The following CCDC141 variants were observed in gnomAD, a reference collection of about 807,000 sequenced individuals.
CCDC141 encodes coiled-coil domain containing 141, also known as coiled-coil domain-containing protein 141.
In CCDC141, 168 loss-of-function variants were observed where a neutral mutation model predicts 181.0. The observed-to-expected ratio is 0.93, with a 90% CI of 0.82 to 1.05. The LOEUF (loss-of-function observed/expected upper bound fraction) is 1.05, where lower values mean the gene tolerates loss of function less well. Ranked by LOEUF, CCDC141 falls within the 50% of genes least tolerant of loss-of-function variation. The pLI is 0.00. For synonymous variants in CCDC141, 666 were observed against 642.3 expected (o/e 1.04, Z -0.56); for missense variants, 1,902 against 1,788.5 (o/e 1.06, Z -1.14).
At chr2:178,986,648 T>C (rs1233279965) in intron 2 of CCDC141, among the ~76,000 whole-genome samples, 1 of 151,540 alleles carries the variant, frequency 6.6e-6, no homozygotes, top group Non-Finnish European at 1.5e-5. Context: ...TGTGCAAAAA[T>C]CACAAGCATT....
At chr2:178,966,985 G>A (rs1005195439) in intron 4 of CCDC141, among the ~76,000 whole-genome samples, 2 of 151,662 alleles carry the variant, frequency 1.3e-5, no homozygotes, top group African/African-American at 2.4e-5. Context: ...AATCGACCAA[G>A]CAGAAGAAAG....
intron 2 of CCDC141, among the ~76,000 whole-genome samples, chr2:179,020,189 GT>G (rs111810334): frequency 2.0e-5 from 3 of 151,898 alleles, no homozygotes; most frequent in African/African-American, 7.3e-5. Context: ...CAGGTGTGTG[GT>G]TTTTTTTCTC....
chr2:178,994,568 C>G (rs1323265765), intron 2 of CCDC141, among the ~76,000 whole-genome samples: 2 of 152,182 alleles, frequency 1.3e-5, no homozygotes, highest in Non-Finnish European at 2.9e-5. Flanking sequence ...CTCTGACATG[C>G]CCTGGAGACA....
rs1346512010 is a variant in CCDC141, at chr2:178,945,778, T to TACCAAG, written c.781-1128_781-1127insCTTGGT. Among the ~76,000 whole-genome samples the TACCAAG allele has an allele frequency of 2.0e-5, 3 of 152,044 alleles. No individual in the cohort carries two copies. The East Asian group carries it at 5.8e-4, about 29-fold the overall frequency. ...TGAAATCCTATAACATGGAGAAATG[T>TACCAAG]GTACAACAGGTAGCCAAGGAGAACT... On this transcript the variant is annotated intron_variant, in intron 5 of 23. Coordinates refer to ENST00000443758, the MANE Select transcript of CCDC141 (RefSeq NM_173648.4).
intron 11 of CCDC141, among the ~76,000 whole-genome samples, chr2:178,881,972 T>G (rs983177611): frequency 2.7e-5 from 4 of 148,278 alleles, no homozygotes; most frequent in African/African-American, 1.0e-4. Context: ...CCAGTCTACA[T>G]TTGAAGGGAA....
intron 2 of CCDC141, among the ~76,000 whole-genome samples, chr2:178,987,344 A>G (rs1323544418): frequency 6.6e-6 from 1 of 152,184 alleles, no homozygotes; most frequent in African/African-American, 2.4e-5. Context: ...CTTAAACATT[A>G]GACCTAAAAC....
chr2:178,947,951 G>A (rs1278690527), intron 5 of CCDC141, among the ~76,000 whole-genome samples: 13 of 152,160 alleles, frequency 8.5e-5, no homozygotes, highest in African/African-American at 2.4e-5. Flanking sequence ...TGTAAACCAA[G>A]CAGTTTGGGA....
intron 2 of CCDC141, among the ~76,000 whole-genome samples, chr2:179,007,743 A>G (rs2042155355): frequency 6.6e-6 from 1 of 152,224 alleles, no homozygotes; most frequent in African/African-American, 2.4e-5. Context: ...TTACCAAGCA[A>G]AAAGATTAAA....
chr2:178,888,207 C>T (rs1337922778), intron 9 of CCDC141, among the ~76,000 whole-genome samples: 1 of 152,142 alleles, frequency 6.6e-6, no homozygotes, highest in Non-Finnish European at 1.5e-5. Context: ...ATATTTGAAC[C>T]ATGCTCAGAA....
At chr2:178,824,061 AACACACACACACAC>A in the CCDC141 span, among the ~76,000 whole-genome samples, 1 of 147,428 alleles carries the variant, frequency 6.8e-6, no homozygotes. Flanking sequence ...TACAGAGAAA[AACACACACACACAC>A]ACACACACAC....
chr2:178,961,696 C>G (rs960765957), intron 4 of CCDC141, among the ~76,000 whole-genome samples: 1 of 152,170 alleles, frequency 6.6e-6, no homozygotes, highest in Non-Finnish European at 1.5e-5. Flanking sequence ...TGTGATAGTG[C>G]TAACTGCCAA....
intron 2 of CCDC141, among the ~76,000 whole-genome samples, chr2:179,017,698 T>A (rs2042583004): frequency 6.6e-6 from 1 of 152,180 alleles, no homozygotes; most frequent in Non-Finnish European, 1.5e-5. Flanking sequence ...TCTCAGATAT[T>A]TTTTAAAAAT....
intron 7 of CCDC141, among the ~76,000 whole-genome samples, chr2:178,908,559 CT>C (rs1470587198): frequency 6.6e-6 from 1 of 152,158 alleles, no homozygotes; most frequent in East Asian, 1.9e-4. Flanking sequence ...CTTCAACTCC[CT>C]TAAATCACCC....
chr2:179,021,333 A>G (rs1481036558), intron 2 of CCDC141, among the ~76,000 whole-genome samples: 1 of 152,306 alleles, frequency 6.6e-6, no homozygotes, highest in Admixed American at 6.5e-5. Context: ...GCCCATGCCT[A>G]TCTGAAGGGG....
At chr2:178,909,740 G>C (rs1173713739) in intron 7 of CCDC141, among the ~76,000 whole-genome samples, 2 of 152,110 alleles carry the variant, frequency 1.3e-5, no homozygotes, top group African/African-American at 4.8e-5. Flanking sequence ...ACCCAGCCTG[G>C]AAAGACTCCC....
At chr2:178,979,210 T>C (rs1407259295) in intron 2 of CCDC141, among the ~76,000 whole-genome samples, 1 of 152,076 alleles carries the variant, frequency 6.6e-6, no homozygotes, top group Non-Finnish European at 1.5e-5. Flanking sequence ...TTGAACAAAA[T>C]ATGAAAAATG....
At chr2:178,955,801 T>C (rs1404001579) in intron 5 of CCDC141, among the ~76,000 whole-genome samples, 1 of 152,236 alleles carries the variant, frequency 6.6e-6, no homozygotes, top group Non-Finnish European at 1.5e-5. Context: ...AAAAAAAAGA[T>C]ACTACTTTTT....
chr2:178,826,885 T>A (rs1684133695), downstream of CCDC141, among the ~76,000 whole-genome samples: 1 of 152,062 alleles, frequency 6.6e-6, no homozygotes, highest in African/African-American at 2.4e-5. Context: ...TTTTTAAGTT[T>A]TCTTTTATTC....
At chr2:179,036,747 T>C (rs1381158455) in intron 2 of CCDC141, among the ~76,000 whole-genome samples, 1 of 152,226 alleles carries the variant, frequency 6.6e-6, no homozygotes, top group East Asian at 1.9e-4. Flanking sequence ...CCAGTCACCT[T>C]CTTCAAAATG....
Sources: allele counts gnomAD v4.1 joint callset (sites outside exome capture counted in the v4.1 genomes callset), GRCh38; gene constraint gnomAD v4.1.1; transcripts MANE v1.5; gene names NCBI Gene and HGNC (gene_info 2026-07-23, HGNC 2026-07-21).